PPFIA1: variants seen among roughly 807,000 people sequenced by gnomAD.
PPFIA1 encodes PPFI scaffold protein A1, also known as liprin-alpha-1.
Under a neutral mutation model 149.9 loss-of-function variants are expected in PPFIA1, and 25 were observed. That is an observed-to-expected ratio of 0.17 (90% CI 0.12 to 0.23). The LOEUF (loss-of-function observed/expected upper bound fraction) is 0.23, where lower values mean the gene tolerates loss of function less well. Among genes scored for constraint, PPFIA1 ranks in the 10% least tolerant of loss-of-function variants. The pLI is 1.00. For synonymous variants in PPFIA1, 549 were observed against 552.8 expected (o/e 0.99, Z 0.10); for missense variants, 1,362 against 1,506.5 (o/e 0.90, Z 1.59).
chr11:70,336,373 C>T (rs1055176062), intron 11 of PPFIA1, among the ~76,000 whole-genome samples: 30 of 151,968 alleles, frequency 2.0e-4, no homozygotes, highest in African/African-American at 6.5e-4. Context: ...CTGGGGGCAC[C>T]CGCCTGTAGT....
intron 14 of PPFIA1, among the ~76,000 whole-genome samples, chr11:70,339,685 A>G (rs1445407784): frequency 2.6e-5 from 4 of 151,554 alleles, no homozygotes; most frequent in Admixed American, 6.6e-5. Context: ...ACTTTTAAAT[A>G]CAATGATAAT....
At chr11:70,313,625 T>C (rs558494452) in intron 2 of PPFIA1, among the ~76,000 whole-genome samples, 2 of 152,092 alleles carry the variant, frequency 1.3e-5, no homozygotes, top group Admixed American at 1.3e-4. Flanking sequence ...GAGGAGGCGA[T>C]GTGATGTCTC....
intron 4 of PPFIA1, 61 bp downstream of exon 4, chr11:70,325,072 A>C: frequency 6.9e-7 from 1 of 1,445,640 alleles, no homozygotes; most frequent in Non-Finnish European, 9.2e-7. Flanking sequence ...CAGCTTCACA[A>C]GTGTTGGTGT....
chr11:70,349,466 T>C (rs1485234866), intron 16 of PPFIA1, among the ~76,000 whole-genome samples: 1 of 152,074 alleles, frequency 6.6e-6, no homozygotes, highest in Non-Finnish European at 1.5e-5. Context: ...ACCCCATCTT[T>C]ATCTAAAAAA....
rs972763309 is a variant in PPFIA1 at position 70,302,329 on chromosome 11, A to C, written c.265-22073A>C. Reference sequence around the variant, plus strand: ...TGCTTCCCCAGGGAGCAGTGGGAGAAGGGTGGCTGACCAGGAAACAGGAAA... The same window carrying C: ...TGCTTCCCCAGGGAGCAGTGGGAGACGGGTGGCTGACCAGGAAACAGGAAA... On this transcript the variant is annotated intron_variant, in intron 2 of 27. Coordinates refer to ENST00000253925, the MANE Select transcript of PPFIA1 (RefSeq NM_003626.5). 3.9e-5 allele frequency among the ~76,000 whole-genome samples: 6 copies of C among 152,196 alleles called. No individual in the cohort carries two copies. The East Asian group carries it at 1.2e-3, about 29-fold the overall frequency.
intron 2 of PPFIA1, among the ~76,000 whole-genome samples, chr11:70,296,200 C>G (rs895377576): frequency 6.8e-6 from 1 of 147,376 alleles, no homozygotes; most frequent in East Asian, 2.0e-4. Context: ...TTTCCAGACT[C>G]GGCAGCCAGG....
intron 2 of PPFIA1, chr11:70,278,996 GAAGA>G: frequency 1.8e-6 from 1 of 565,760 alleles, no homozygotes; most frequent in Non-Finnish European, 3.4e-6. Context: ...TTGTAGACTT[GAAGA>G]GAGAGCCCAA....
At chr11:70,349,534 A>G (rs2055924476) in intron 16 of PPFIA1, among the ~76,000 whole-genome samples, 1 of 152,128 alleles carries the variant, frequency 6.6e-6, no homozygotes, top group African/African-American at 2.4e-5. Flanking sequence ...GAAATATTTC[A>G]TATTTACACC....
intron 21 of PPFIA1, chr11:70,365,870 G>A (rs1434078736): frequency 1.3e-5 from 6 of 447,298 alleles, no homozygotes; most frequent in Admixed American, 1.0e-4. Flanking sequence ...GCAGAGTTGC[G>A]TTGCCTGCAT....
At chr11:70,349,729 A>G (rs560134711) in intron 16 of PPFIA1, among the ~76,000 whole-genome samples, 7 of 152,260 alleles carry the variant, frequency 4.6e-5, no homozygotes, top group Non-Finnish European at 8.8e-5. Flanking sequence ...TCATCTACTA[A>G]TTAGGTAACA....
chr11:70,338,357 C>T lies in PPFIA1; in HGVS notation c.1492-17C>T. The T allele has an allele frequency of 6.3e-7, 1 of 1,592,384 alleles. No individual in the cohort carries two copies. The highest frequency in any genetic ancestry group is 8.6e-7 in the Non-Finnish European group (1 of 1,161,000). ...TAAAAGAGATAGCAGTAATGTAAGT[C>T]TTTTGCTTTTCTGTAGGATCAGCTT... is the stretch of plus-strand genomic sequence containing the variant. On this transcript the variant is annotated splice_polypyrimidine_tract_variant and intron_variant, in intron 12 of 27. Transcript: ENST00000253925.
At chr11:70,291,794 C>G (rs1293620117) in intron 2 of PPFIA1, among the ~76,000 whole-genome samples, 2 of 152,062 alleles carry the variant, frequency 1.3e-5, no homozygotes, top group Non-Finnish European at 2.9e-5. Context: ...CCTCAGCCTC[C>G]CCAGTAGCTG....
intron 21 of PPFIA1, among the ~76,000 whole-genome samples, chr11:70,363,866 C>T (rs2056788315): frequency 6.6e-6 from 1 of 151,812 alleles, no homozygotes; most frequent in Non-Finnish European, 1.5e-5. Context: ...ACTTGTTATC[C>T]CACCGTCAAA....
At chr11:70,314,512 C>CA (rs542435719) in intron 2 of PPFIA1, among the ~76,000 whole-genome samples, 10 of 151,364 alleles carry the variant, frequency 6.6e-5, no homozygotes, top group Non-Finnish European at 8.9e-5. Context: ...AAAATTAAAA[C>CA]AAAAAAAAAT....
chr11:70,365,112 C>T (rs2056851453), intron 21 of PPFIA1: 1 of 181,796 alleles, frequency 5.5e-6, no homozygotes, highest in Admixed American at 5.9e-5. Context: ...AACGTGTTTT[C>T]TTCTCTTGAT....
At position 70,375,049 on chromosome 11, in the gene PPFIA1, A is replaced by G; in HGVS notation, c.3271A>G (p.Ser1091Gly). 1 of 1,613,756 alleles carries G rather than the reference A, an allele frequency of 6.2e-7. No individual in the cohort carries two copies. The highest frequency in any genetic ancestry group is 8.5e-7 in the Non-Finnish European group (1 of 1,179,928). Residue 1091 changes from serine to glycine, a missense_variant, in exon 24 of 28, where the codon AGT (serine) becomes GGT (glycine). This residue lies in a region of PPFIA1 where 349 missense variants were observed against 373.3 expected (regional missense o/e 0.93). Coordinates refer to ENST00000253925, the MANE Select transcript of PPFIA1 (RefSeq NM_003626.5). The part of the protein sequence containing the change: ...LLALDETFDF[S>G]ALALLLQIPT... Reference sequence around the variant, plus strand: ...GGCCTTAGATGAAACCTTCGACTTCAGTGCACTGGCACTGCTGTTACAGAT... The same window carrying G: ...GGCCTTAGATGAAACCTTCGACTTCGGTGCACTGGCACTGCTGTTACAGAT...
At position 70,378,042 on chromosome 11, in the gene PPFIA1, A is replaced by G; in HGVS notation, c.3397A>G (p.Ser1133Gly). The change falls in exon 26 of 28, where the codon AGC (serine) becomes GGC (glycine). Residue 1133 changes from serine to glycine, a missense_variant. Ser to Gly is a moderately conservative substitution (Grantham distance 56). Around this residue, in one of 7 missense-constraint regions of PPFIA1, gnomAD observed 349 missense variants for 373.3 expected, o/e 0.93. Coordinates refer to ENST00000253925, the MANE Select transcript of PPFIA1 (RefSeq NM_003626.5). ...DRRFDEDDDK[S>G]FRRAPSWRKK... The stretch of plus-strand genomic sequence containing the variant: ...CTTAATTTACCAGGATGATGATAAA[A>G]GCTTTAGGAGAGCACCTTCATGGAG... 5 of 1,601,092 alleles carry G rather than the reference A, an allele frequency of 3.1e-6. No individual in the cohort carries two copies. The highest frequency in any genetic ancestry group is 3.4e-6 in the Non-Finnish European group (4 of 1,172,972).
intron 26 of PPFIA1, among the ~76,000 whole-genome samples, 155 bp from the exon 27 acceptor site, chr11:70,381,933 T>C (rs977427403): frequency 7.9e-5 from 12 of 151,708 alleles, no homozygotes; most frequent in Admixed American, 2.6e-4. Context: ...TGGATCTCTC[T>C]GGCTCCATCC....
At chr11:70,326,006 A>G (rs202209121) in intron 5 of PPFIA1, among the ~76,000 whole-genome samples, 1 of 152,052 alleles carries the variant, frequency 6.6e-6, no homozygotes, top group Non-Finnish European at 1.5e-5. Context: ...TATCTTCCCA[A>G]TTGAGGACCA....
Sources: gnomAD v4.1 joint callset for allele counts (sites outside exome capture counted in the v4.1 genomes callset) on GRCh38, gnomAD v4.1.1 for gene constraint, gnomAD v4.1.1 regional missense constraint, MANE v1.5 for transcripts, NCBI Gene and HGNC (gene_info 2026-07-23, HGNC 2026-07-21) for gene names.